Variants in TMEM182 observed in about 807,000 individuals in gnomAD.
The protein encoded by TMEM182 is transmembrane protein 182.
In TMEM182, 20 loss-of-function variants were observed where a neutral mutation model predicts 26.8. The ratio of observed to expected loss-of-function variants is 0.75; its 90% confidence interval spans 0.53 to 1.09. TMEM182 has a LOEUF of 1.09. Ranked by LOEUF, TMEM182 falls within the 50% of genes least tolerant of loss-of-function variation. TMEM182 has a pLI of 0.00. For synonymous variants in TMEM182, 109 were observed against 102.2 expected (o/e 1.07, Z -0.40); for missense variants, 277 against 275.5 (o/e 1.01, Z -0.04).
intron 3 of TMEM182, among the ~76,000 whole-genome samples, chr2:102,835,936 G>A (rs553052816): frequency 8.0e-5 from 12 of 150,198 alleles, no homozygotes; most frequent in Non-Finnish European, 1.8e-4. Flanking sequence ...CTATGAGTGA[G>A]AACATGCGGT....
At chr2:102,784,095 C>T (rs1191970477) in intron 3 of TMEM182, among the ~76,000 whole-genome samples, 1 of 152,208 alleles carries the variant, frequency 6.6e-6, no homozygotes. Context: ...GTACAACCCT[C>T]TCAGCCCATC....
At position 102,817,114 on chromosome 2, in the gene TMEM182, A is replaced by T. The variant is rs2104762797; in HGVS notation, c.*2146A>T. On this transcript the variant is annotated 3_prime_UTR_variant, in exon 5 of 5. Coordinates refer to ENST00000412401, the MANE Select transcript of TMEM182 (RefSeq NM_144632.5). ...CAGCAACCCTCTGAAGGAATGAAGG[A>T]GAGTTGTGATTGCTATGTCAATGAG... is the stretch of plus-strand genomic sequence containing the variant. 1.0e-6 allele frequency: 1 copy of T among 985,450 alleles called. No individual in the cohort carries two copies. The allele number at this position is 985,450 out of a possible 1,614,324, so 61.0% of individuals were successfully genotyped here. A position where few individuals can be genotyped will look rare whatever the true frequency, so the allele number is the denominator to read the frequency against.
At chr2:102,812,900 T>C (rs541381421) in intron 4 of TMEM182, among the ~76,000 whole-genome samples, 3 of 152,344 alleles carry the variant, frequency 2.0e-5, no homozygotes, top group Admixed American at 2.0e-4. Context: ...ATATATTTGC[T>C]GGAAAATGTA....
intron 3 of TMEM182, among the ~76,000 whole-genome samples, chr2:102,786,875 G>A (rs1440099577): frequency 6.6e-6 from 1 of 152,182 alleles, no homozygotes; most frequent in East Asian, 1.9e-4. Flanking sequence ...GGAAGTGGAG[G>A]GGGATTGCAC....
At chr2:102,781,875 G>A (rs2732860) in intron 3 of TMEM182, among the ~76,000 whole-genome samples, 82,775 of 151,934 alleles carry the variant, frequency 0.54, 23,191 homozygotes, top group African/African-American at 0.67. Context: ...GTACTGCTTG[G>A]ACTCCAGTGC....
At chr2:102,798,121 A>G (rs1681961455) in intron 4 of TMEM182, 121 bp downstream of exon 4, 1 of 1,282,100 alleles carries the variant, frequency 7.8e-7, no homozygotes, top group South Asian at 1.5e-5. Flanking sequence ...ATTTGTATAC[A>G]ATACTTCTTG....
At chr2:102,794,109 CTTA>C (rs1334407467) in intron 3 of TMEM182, among the ~76,000 whole-genome samples, 2 of 152,110 alleles carry the variant, frequency 1.3e-5, no homozygotes, top group South Asian at 2.1e-4. Context: ...TTATTGGTTT[CTTA>C]TTATATGCCA....
intron 4 of TMEM182, among the ~76,000 whole-genome samples, chr2:102,800,901 C>A (rs1682099595): frequency 6.7e-6 from 1 of 149,266 alleles, no homozygotes; most frequent in Non-Finnish European, 1.5e-5. Flanking sequence ...GTGCAAAAAG[C>A]AATATACGTG....
chr2:102,826,793 T>G (rs1471222243), intron 3 of TMEM182, among the ~76,000 whole-genome samples: 1 of 152,096 alleles, frequency 6.6e-6, no homozygotes, highest in Non-Finnish European at 1.5e-5. Flanking sequence ...TGGGAAAACT[T>G]GAGGGAGCGG....
chr2:102,797,813 A>C, intron 3 of TMEM182, 50 bp from the exon 4 acceptor site: 1 of 1,581,176 alleles, frequency 6.3e-7, no homozygotes, highest in Non-Finnish European at 8.6e-7. Context: ...CTGTGTACAC[A>C]ATCTAAGTGT....
chr2:102,798,411 C>T (rs1441795243), intron 4 of TMEM182, among the ~76,000 whole-genome samples: 2 of 152,202 alleles, frequency 1.3e-5, no homozygotes, highest in East Asian at 1.9e-4. Flanking sequence ...TGTAACATAT[C>T]AGCATATGAT....
intron 3 of TMEM182, among the ~76,000 whole-genome samples, chr2:102,823,068 A>G (rs1682958451): frequency 6.6e-6 from 1 of 152,200 alleles, no homozygotes. Flanking sequence ...AAGAGTCAAC[A>G]CAGTTGAAAG....
At chr2:102,780,752 CTG>C (rs1681133345) in intron 3 of TMEM182, among the ~76,000 whole-genome samples, 2 of 152,260 alleles carry the variant, frequency 1.3e-5, no homozygotes, top group South Asian at 2.1e-4. Context: ...TTGTTACAAA[CTG>C]TGGAGGAGAA....
chr2:102,829,881 C>T (rs1409548822), intron 3 of TMEM182, among the ~76,000 whole-genome samples: 1 of 152,128 alleles, frequency 6.6e-6, no homozygotes, highest in Non-Finnish European at 1.5e-5. Context: ...AAGGTTTCCC[C>T]ATATTTGGAA....
chr2:102,835,697 ATTTAT>A (rs1422746248), intron 3 of TMEM182, among the ~76,000 whole-genome samples: 1 of 151,828 alleles, frequency 6.6e-6, no homozygotes, highest in East Asian at 1.9e-4. Context: ...AATTTATTTA[ATTTAT>A]TTTATTTTTT....
At position 102,816,893 on chromosome 2, in the gene TMEM182, C is replaced by G; in HGVS notation, c.*1925C>G. On this transcript the variant is annotated 3_prime_UTR_variant, in exon 5 of 5. Transcript: ENST00000412401. Reference sequence around the variant, plus strand: ...ACATACAAGCTGCTTTCGGCAAAGGCTTGAATATTTATAAATTTCAGATGG... The same window carrying G: ...ACATACAAGCTGCTTTCGGCAAAGGGTTGAATATTTATAAATTTCAGATGG... 1.0e-6 allele frequency: 1 copy of G among 985,726 alleles called. No individual in the cohort carries two copies. The highest frequency in any genetic ancestry group is 4.7e-5 in the South Asian group (1 of 21,286). 61.1% of individuals were successfully genotyped at this position (985,726 alleles called of 1,614,324 possible). A position where few individuals can be genotyped will look rare whatever the true frequency, so the allele number is the denominator to read the frequency against.
chr2:102,774,769 G>C lies in TMEM182; in HGVS notation c.331+10342G>C, dbSNP rs1449717150. ...TGTCAAAAAATAGTTGATCCTACTT[G>C]TATGGGACTAATTTTTAGATTCTGG... is the stretch of plus-strand genomic sequence containing the variant. On this transcript the variant is annotated intron_variant, in intron 3 of 4. Coordinates refer to ENST00000412401, the MANE Select transcript of TMEM182 (RefSeq NM_144632.5). Among the ~76,000 whole-genome samples the C allele has an allele frequency of 2.0e-5, 3 of 152,046 alleles. No homozygotes were observed. The East Asian group carries it at 5.8e-4, about 29-fold the overall frequency.
chr2:102,824,936 T>G (rs1183051520), intron 3 of TMEM182, among the ~76,000 whole-genome samples: 1 of 152,258 alleles, frequency 6.6e-6, no homozygotes, highest in African/African-American at 2.4e-5. Context: ...CATGAGGAAC[T>G]GTGAGCCAGT....
intron 4 of TMEM182, among the ~76,000 whole-genome samples, chr2:102,810,763 G>T (rs959719492): frequency 5.9e-5 from 9 of 151,922 alleles, no homozygotes; most frequent in African/African-American, 1.7e-4. Context: ...AATTCAATTG[G>T]AAATAAATGT....
Sources: allele counts gnomAD v4.1 joint callset (sites outside exome capture counted in the v4.1 genomes callset), GRCh38; gene constraint gnomAD v4.1.1; transcripts MANE v1.5; gene names NCBI Gene and HGNC (gene_info 2026-07-23, HGNC 2026-07-21).